The following PLCL2 variants were observed in gnomAD, a reference collection of about 807,000 sequenced individuals.
The protein encoded by PLCL2 is phospholipase C like 2.
A neutral mutation model predicts 79.6 loss-of-function variants in PLCL2; 4 were observed. That is an observed-to-expected ratio of 0.05 (90% CI 0.02 to 0.11). The LOEUF is 0.11. Ranked by LOEUF, PLCL2 falls within the 10% of genes least tolerant of loss-of-function variation. The pLI is 1.00. For missense variants in PLCL2, 895 were observed against 1,291.0 expected, an observed-to-expected ratio of 0.69 and a Z score of 4.70; for synonymous variants, 484 against 457.7, an observed-to-expected ratio of 1.06 and a Z score of -0.73.
At chr3:17,031,158 C>T (rs567372739) in intron 3 of PLCL2, among the ~76,000 whole-genome samples, 170 of 152,268 alleles carry the variant, frequency 1.1e-3, no homozygotes, top group Middle Eastern at 3.4e-3. Context: ...TGATTCAGAG[C>T]AGGTTTTGAA....
At chr3:16,929,989 A>G (rs1231416865) in intron 1 of PLCL2, among the ~76,000 whole-genome samples, 2 of 152,142 alleles carry the variant, frequency 1.3e-5, no homozygotes, top group African/African-American at 4.8e-5. Flanking sequence ...TCTTTTAGAC[A>G]TGGAGAAGTA....
At chr3:16,978,069 G>C (rs994244925) in intron 1 of PLCL2, among the ~76,000 whole-genome samples, 1 of 152,176 alleles carries the variant, frequency 6.6e-6, no homozygotes, top group Non-Finnish European at 1.5e-5. Context: ...CTGAATTTTA[G>C]TGAGACATAG....
chr3:17,007,475 G>A (rs931014554), intron 1 of PLCL2, among the ~76,000 whole-genome samples: 1 of 152,094 alleles, frequency 6.6e-6, no homozygotes, highest in Admixed American at 6.6e-5. Context: ...AATTACCACA[G>A]TTTTTATGTA....
At chr3:17,089,418 AT>A (rs1320173565) in intron 5 of PLCL2, among the ~76,000 whole-genome samples, 3 of 152,186 alleles carry the variant, frequency 2.0e-5, no homozygotes, top group Non-Finnish European at 4.4e-5. Flanking sequence ...AAAAAACAAG[AT>A]TGGCCAAACA....
intron 1 of PLCL2, among the ~76,000 whole-genome samples, chr3:16,918,204 G>C (rs1265211647): frequency 2.0e-5 from 3 of 152,160 alleles, no homozygotes; most frequent in Non-Finnish European, 2.9e-5. Flanking sequence ...GATTATCACT[G>C]TGAACTTTAC....
intron 1 of PLCL2, among the ~76,000 whole-genome samples, chr3:16,939,941 T>C (rs1336120953): frequency 6.6e-6 from 1 of 152,178 alleles, no homozygotes; most frequent in Non-Finnish European, 1.5e-5. Context: ...TGGTGGGTGG[T>C]ACCTGAGGGC....
chr3:17,044,696 G>A (rs1387348580), intron 4 of PLCL2, among the ~76,000 whole-genome samples: 1 of 152,000 alleles, frequency 6.6e-6, no homozygotes, highest in Non-Finnish European at 1.5e-5. Flanking sequence ...TCCATTCAAT[G>A]CATGTATTGC....
At chr3:16,885,647 CG>C (rs1696203722) in intron 1 of PLCL2, among the ~76,000 whole-genome samples, 1 of 152,186 alleles carries the variant, frequency 6.6e-6, no homozygotes, top group African/African-American at 2.4e-5. Context: ...TTGTACCTGC[CG>C]GGGTAGGGCA....
At chr3:17,036,832 G>A (rs56060350) in intron 3 of PLCL2, among the ~76,000 whole-genome samples, 23,288 of 152,162 alleles carry the variant, frequency 0.15, 2,275 homozygotes, top group Non-Finnish European at 0.2. Flanking sequence ...CAAAATCAAG[G>A]CTCAGTATCT....
intron 1 of PLCL2, among the ~76,000 whole-genome samples, chr3:16,937,907 A>G (rs1292425861): frequency 6.6e-6 from 1 of 152,252 alleles, no homozygotes; most frequent in African/African-American, 2.4e-5. Flanking sequence ...ATAACAGGTT[A>G]CAGTTTTAAA....
At chr3:16,984,932 A>C (rs2064033869) in intron 1 of PLCL2, among the ~76,000 whole-genome samples, 1 of 104,482 alleles carries the variant, frequency 9.6e-6, no homozygotes, top group South Asian at 2.8e-4. Flanking sequence ...ACTACGTCTT[A>C]AAAAAAAAAG....
At chr3:16,997,090 A>G (rs1442581697) in intron 1 of PLCL2, among the ~76,000 whole-genome samples, 1 of 152,218 alleles carries the variant, frequency 6.6e-6, no homozygotes, top group East Asian at 1.9e-4. Context: ...AGTTATTTTG[A>G]TAAGTTAAAG....
At chr3:16,948,878 A>T (rs1317985921) in intron 1 of PLCL2, among the ~76,000 whole-genome samples, 2 of 152,214 alleles carry the variant, frequency 1.3e-5, no homozygotes, top group Non-Finnish European at 2.9e-5. Context: ...GAAGGTACAT[A>T]AACTATTTCT....
At chr3:17,017,764 C>T (rs1186505885) in intron 3 of PLCL2, among the ~76,000 whole-genome samples, 1 of 152,068 alleles carries the variant, frequency 6.6e-6, no homozygotes, top group Non-Finnish European at 1.5e-5. Context: ...CATGGTACCT[C>T]CTAAAATGTA....
intron 4 of PLCL2, among the ~76,000 whole-genome samples, chr3:17,047,039 A>G (rs543484516): frequency 2.6e-5 from 4 of 152,352 alleles, no homozygotes; most frequent in African/African-American, 9.6e-5. Context: ...ACTTGGAAAT[A>G]TGAACATAAA....
At chr3:16,922,542 C>A (rs1017028574) in intron 1 of PLCL2, among the ~76,000 whole-genome samples, 1 of 152,078 alleles carries the variant, frequency 6.6e-6, no homozygotes, top group Non-Finnish European at 1.5e-5. Context: ...CATTTATACT[C>A]TTCCTATGCA....
intron 5 of PLCL2, 50 bp downstream of exon 5, chr3:17,068,115 C>T (rs2065027594): frequency 3.1e-6 from 3 of 957,600 alleles, no homozygotes; most frequent in African/African-American, 3.2e-5. Context: ...CCTCTTTCAG[C>T]ATGCTTCCCT....
chr3:16,921,447 A>T (rs575968284), intron 1 of PLCL2, among the ~76,000 whole-genome samples: 4 of 152,334 alleles, frequency 2.6e-5, no homozygotes, highest in South Asian at 4.1e-4. Flanking sequence ...TGGCAAGCTG[A>T]TAGAGTATCT....
intron 1 of PLCL2, among the ~76,000 whole-genome samples, chr3:16,955,751 G>C (rs2063698507): frequency 6.6e-6 from 1 of 152,252 alleles, no homozygotes; most frequent in African/African-American, 2.4e-5. Context: ...CCCATCCCTT[G>C]TAAGCTGGAT....
Sources: gnomAD v4.1 joint callset for allele counts (sites outside exome capture counted in the v4.1 genomes callset) on GRCh38, gnomAD v4.1.1 for gene constraint, MANE v1.5 for transcripts, NCBI Gene and HGNC (gene_info 2026-07-23, HGNC 2026-07-21) for gene names.